FAM76B: variants seen among roughly 807,000 people sequenced by gnomAD.
FAM76B encodes protein FAM76B.
FAM76B carries 16 observed loss-of-function variants against 51.8 expected under a neutral mutation model. That is an observed-to-expected ratio of 0.31 (90% CI 0.21 to 0.47). FAM76B has a LOEUF of 0.47. Ranked by LOEUF, FAM76B falls within the 20% of genes least tolerant of loss-of-function variation. The pLI is 1.00. For synonymous variants in FAM76B, 166 were observed against 129.5 expected (o/e 1.28, Z -1.91); for missense variants, 342 against 392.6 (o/e 0.87, Z 1.09).
At position 95,769,042 on chromosome 11, in the gene FAM76B, A is replaced by T. The variant is rs1371888349; in HGVS notation, c.*2519T>A. 1.3e-5 allele frequency: 2 copies of T among 152,460 alleles called. No homozygotes were observed. The highest frequency in any genetic ancestry group is 2.9e-5 in the Non-Finnish European group (2 of 67,926). 9.4% of individuals were successfully genotyped at this position (152,460 alleles called of 1,614,324 possible). A position where few individuals can be genotyped will look rare whatever the true frequency, so the allele number is the denominator to read the frequency against. On this transcript the variant is annotated 3_prime_UTR_variant, in exon 10 of 10. Coordinates refer to ENST00000358780, the MANE Select transcript of FAM76B (RefSeq NM_144664.5). The stretch of plus-strand genomic sequence containing the variant: ...AGATGTGTACAAGTACAGTATTTCA[A>T]TAGTCTATACATGTGAACAGCTTAA...
rs965171880 is a variant in FAM76B, at chr11:95,789,567, GCTC to G, written c.-92_-90del. On this transcript the variant is annotated 5_prime_UTR_variant, in exon 1 of 10. Coordinates refer to ENST00000358780, the MANE Select transcript of FAM76B (RefSeq NM_144664.5). ...AGAGCCGCCGCCGCCCGGGCCGCGG[GCTC>G]CTCCTCCTCCCCCTCCCCCTGCCTC... 16 of 1,223,304 alleles carry G rather than the reference GCTC, an allele frequency of 1.3e-5. No homozygotes were observed. The highest frequency in any genetic ancestry group is 1.6e-5 in the Non-Finnish European group (14 of 879,384). 75.8% of individuals were successfully genotyped at this position (1,223,304 alleles called of 1,614,324 possible). A position where few individuals can be genotyped will look rare whatever the true frequency, so the allele number is the denominator to read the frequency against.
At chr11:95,773,429 T>C (rs1859857221) in intron 9 of FAM76B, among the ~76,000 whole-genome samples, 1 of 131,162 alleles carries the variant, frequency 7.6e-6, no homozygotes, top group African/African-American at 2.8e-5. Flanking sequence ...AATTGTTTTA[T>C]CCTAAAATTA....
In FAM76B at chr11:95,788,567, T is replaced by C. The variant is rs775787272; in HGVS notation, c.88-4A>G. ...TAGGATGTGCAATCCGACATTCCTG[T>C]AATAAGACAATACATTAGTCAGTAT... On this transcript the variant is annotated splice_region_variant and splice_polypyrimidine_tract_variant and intron_variant, in intron 1 of 9. Coordinates refer to ENST00000358780, the MANE Select transcript of FAM76B (RefSeq NM_144664.5). 6.2e-7 allele frequency: 1 copy of C among 1,610,596 alleles called. No individual in the cohort carries two copies. Among genetic ancestry groups the C allele is most frequent in the Non-Finnish European group, 8.5e-7 (1 of 1,178,136 alleles).
At chr11:95,787,014 A>G (rs1159297390) in intron 3 of FAM76B, among the ~76,000 whole-genome samples, 1 of 152,206 alleles carries the variant, frequency 6.6e-6, no homozygotes, top group Non-Finnish European at 1.5e-5. Flanking sequence ...GAAGTGGGCT[A>G]AAGTCTGATG....
At chr11:95,778,098 T>C (rs971929240) in intron 8 of FAM76B, among the ~76,000 whole-genome samples, 1 of 151,450 alleles carries the variant, frequency 6.6e-6, no homozygotes, top group East Asian at 1.9e-4. Flanking sequence ...CTGCTTTAGG[T>C]CACACAGAAA....
At chr11:95,789,360 C>T in intron 1 of FAM76B, 32 bp downstream of exon 1, 1 of 1,565,802 alleles carries the variant, frequency 6.4e-7, no homozygotes, top group African/African-American at 1.4e-5. Flanking sequence ...GCCGAGGACA[C>T]CCATCCCGCC....
chr11:95,783,200 T>G lies in FAM76B; in HGVS notation c.428A>C (p.Lys143Thr). Residue 143 changes from lysine (K) to threonine (T), a missense_variant, in exon 5 of 10, where the codon AAA (lysine) becomes ACA (threonine). Physicochemically the swap from Lys to Thr is moderately conservative, Grantham distance 78. Coordinates refer to ENST00000358780, the MANE Select transcript of FAM76B (RefSeq NM_144664.5). Reference sequence around the variant, plus strand: ...AGATCCCAGGCTCTTCCTTTGTTCTTTCGTCTTCTGTAAAACTCTTTTGTA... The same window carrying G: ...AGATCCCAGGCTCTTCCTTTGTTCTGTCGTCTTCTGTAAAACTCTTTTGTA... Reference protein sequence around the residue: ...LSYKRVLQKTKEQRKSLGSSH... With the variant: ...LSYKRVLQKTTEQRKSLGSSH... 3 of 1,614,012 alleles carry G rather than the reference T, an allele frequency of 1.9e-6. No homozygotes were observed. The highest frequency in any genetic ancestry group is 2.2e-5 in the South Asian group (2 of 91,072).
intron 2 of FAM76B, 101 bp downstream of exon 2, chr11:95,788,398 T>G (rs1010827041): frequency 9.9e-7 from 1 of 1,009,866 alleles, no homozygotes; most frequent in African/African-American, 1.7e-5. Flanking sequence ...GCTAAACCAT[T>G]TTTTAAAAAT....
intron 4 of FAM76B, among the ~76,000 whole-genome samples, chr11:95,784,515 T>C (rs1021630679): frequency 5.3e-5 from 8 of 151,954 alleles, no homozygotes; most frequent in Non-Finnish European, 1.0e-4. Flanking sequence ...CAGGCACTCT[T>C]AGCACTGTTG....
intron 7 of FAM76B, chr11:95,779,167 G>A: frequency 1.3e-6 from 2 of 1,557,386 alleles, no homozygotes; most frequent in South Asian, 1.1e-5. Context: ...TTAGCTTTAA[G>A]GGGGTCAATA....
Position 95,776,178 on chromosome 11 carries a change from G to C in FAM76B, c.829-155C>G, listed in dbSNP as rs78852752. Among the ~76,000 whole-genome samples, 4 of 151,538 alleles carry C rather than the reference G, an allele frequency of 2.6e-5. No individual in the cohort carries two copies. The East Asian group carries it at 7.7e-4, about 29-fold the overall frequency. On this transcript the variant is annotated intron_variant, in intron 8 of 9. Coordinates refer to ENST00000358780, the MANE Select transcript of FAM76B (RefSeq NM_144664.5). ...TGTACAAGCTATCTAAAGTTTGTTTGGTGAAATGATGAAGTCTATCTGCTT... is the reference window on the plus strand; with the variant it reads ...TGTACAAGCTATCTAAAGTTTGTTTCGTGAAATGATGAAGTCTATCTGCTT...
Position 95,789,743 on chromosome 11 carries a change from C to CG in FAM76B, c.-266dup. 2.2e-6 allele frequency: 1 copy of CG among 460,698 alleles called. No individual in the cohort carries two copies. Among genetic ancestry groups the CG allele is most frequent in the Non-Finnish European group, 3.8e-6 (1 of 261,846 alleles). 28.5% of individuals were successfully genotyped at this position (460,698 alleles called of 1,614,324 possible). On this transcript the variant is annotated 5_prime_UTR_variant, in exon 1 of 10. Transcript: ENST00000358780. ...CCGATAGCGGCGGAGGGAGACGAAG[C>CG]GGGTAGGGGGTTGCTGTTTAGCTGT...
Position 95,778,309 on chromosome 11 carries a change from T to C in FAM76B, c.828+513A>G, listed in dbSNP as rs562089477. On this transcript the variant is annotated intron_variant, in intron 8 of 9. Coordinates refer to ENST00000358780, the MANE Select transcript of FAM76B (RefSeq NM_144664.5). The stretch of plus-strand genomic sequence containing the variant: ...CTTCATTTAACTGATGAAGTCCCAA[T>C]AAGTACACTTACTTCCTACACAATG... 5.9e-5 allele frequency among the ~76,000 whole-genome samples: 9 copies of C among 151,580 alleles called. No individual in the cohort carries two copies. In the South Asian group the frequency reaches 1.9e-3, roughly 31 times the overall value.
chr11:95,789,589 C>G lies in FAM76B; in HGVS notation c.-111G>C, dbSNP rs978777574. ...CGGGCTCCTCCTCCTCCCCCTCCCC[C>G]TGCCTCGCGCCCACCAGGGCCTCGC... On this transcript the variant is annotated 5_prime_UTR_variant, in exon 1 of 10. Coordinates refer to ENST00000358780, the MANE Select transcript of FAM76B (RefSeq NM_144664.5). 73 of 922,480 alleles carry G rather than the reference C, an allele frequency of 7.9e-5. No individual in the cohort carries two copies. Among genetic ancestry groups the G allele is most frequent in the Non-Finnish European group, 1.1e-4 (68 of 633,744 alleles). The allele number at this position is 922,480 out of a possible 1,614,324, so 57.1% of individuals were successfully genotyped here. A position where few individuals can be genotyped will look rare whatever the true frequency, so the allele number is the denominator to read the frequency against.
At chr11:95,786,295 G>C in intron 3 of FAM76B, 21 bp from the exon 4 acceptor site, 2 of 1,612,272 alleles carry the variant, frequency 1.2e-6, no homozygotes, top group Non-Finnish European at 1.7e-6. Context: ...TACACATTTT[G>C]AGACTTTTAA....
At position 95,770,459 on chromosome 11, in the gene FAM76B, G is replaced by C. The variant is rs926183373; in HGVS notation, c.*1102C>G. 7 of 151,568 alleles carry C rather than the reference G, an allele frequency of 4.6e-5. No individual in the cohort carries two copies. The highest frequency in any genetic ancestry group is 1.0e-4 in the Non-Finnish European group (7 of 67,388). 9.4% of individuals were successfully genotyped at this position (151,568 alleles called of 1,614,324 possible). ...TAGATAACCACACATAGGGAAAGCA[G>C]ATACATGGATCATTGCAGAAACATT... On this transcript the variant is annotated 3_prime_UTR_variant, in exon 10 of 10. Coordinates refer to ENST00000358780, the MANE Select transcript of FAM76B (RefSeq NM_144664.5).
Position 95,783,114 on chromosome 11 carries a change from G to C in FAM76B, c.514C>G (p.His172Asp). ...TEKDQHHPKH[H>D]HHHHHHHHRH... Reference sequence around the variant, plus strand: ...TGGTGATGGTGATGATGGTGGTGATGATGTTTTGGATGATGCTGGTCTTTC... The same window carrying C: ...TGGTGATGGTGATGATGGTGGTGATCATGTTTTGGATGATGCTGGTCTTTC... The change falls in exon 5 of 10, where the codon CAT becomes GAT. Residue 172 changes from histidine to aspartate, a missense_variant. Coordinates refer to ENST00000358780, the MANE Select transcript of FAM76B (RefSeq NM_144664.5). 1.2e-6 allele frequency: 2 copies of C among 1,613,080 alleles called. No homozygotes were observed. Among genetic ancestry groups the C allele is most frequent in the Non-Finnish European group, 1.7e-6 (2 of 1,179,196 alleles).
At position 95,780,023 on chromosome 11, in the gene FAM76B, T is replaced by C. The variant is rs145207268; in HGVS notation, c.564-97A>G. The C allele has an allele frequency of 6.1e-4, 698 of 1,144,736 alleles. 1 individual carries two copies. The highest frequency in any genetic ancestry group is 4.4e-3 in the Middle Eastern group (15 of 3,388). The allele number at this position is 1,144,736 out of a possible 1,614,324, so 70.9% of individuals were successfully genotyped here. A position where few individuals can be genotyped will look rare whatever the true frequency, so the allele number is the denominator to read the frequency against. The stretch of plus-strand genomic sequence containing the variant: ...TCAATGGATACAAATTTTATGTTTA[T>C]AATATTTTCTTCAGAGAAAGGTATA... On this transcript the variant is annotated intron_variant, in intron 5 of 9. Coordinates refer to ENST00000358780, the MANE Select transcript of FAM76B (RefSeq NM_144664.5).
chr11:95,783,576 C>A (rs371522068), intron 4 of FAM76B, among the ~76,000 whole-genome samples: 3 of 152,288 alleles, frequency 2.0e-5, no homozygotes. Context: ...GACTGATATA[C>A]TTCCAAGAAA....
Sources: allele counts gnomAD v4.1 joint callset (sites outside exome capture counted in the v4.1 genomes callset), GRCh38; gene constraint gnomAD v4.1.1; transcripts MANE v1.5; gene names NCBI Gene and HGNC (gene_info 2026-07-23, HGNC 2026-07-21).